The following CCDC73 variants were observed in gnomAD, a reference collection of about 807,000 sequenced individuals.
The protein encoded by CCDC73 is coiled-coil domain containing 73.
Under a neutral mutation model 116.5 loss-of-function variants are expected in CCDC73, and 95 were observed. The ratio of observed to expected loss-of-function variants is 0.82; its 90% CI spans 0.69 to 0.97. CCDC73 has a LOEUF of 0.97. CCDC73 is among the 50% of genes least tolerant of loss of function. The pLI is 0.00. For missense variants in CCDC73, 1,066 were observed against 1,206.8 expected (o/e 0.88, Z 1.73); for synonymous variants, 398 against 401.3 (o/e 0.99, Z 0.10).
chr11:32,613,442 A>C lies in CCDC73; in HGVS notation c.2876T>G (p.Val959Gly), dbSNP rs117521878. Reference sequence around the variant, plus strand: ...CTTACCTGGTCCAATATCCTTTCCAACATCATCCACACCAATATTTTTACA... The same window carrying C: ...CTTACCTGGTCCAATATCCTTTCCACCATCATCCACACCAATATTTTTACA... ...ALCKNIGVDD[V>G]GKDIGPDTTS... The change falls in exon 16 of 18, where the codon GTT becomes GGT. Residue 959 changes from valine to glycine, a missense_variant. By Grantham distance (109) the Val-to-Gly change is moderately radical. Coordinates refer to ENST00000335185, the MANE Select transcript of CCDC73 (RefSeq NM_001008391.4). 4,920 of 1,611,548 alleles carry C rather than the reference A, an allele frequency of 3.1e-3. 15 individuals are homozygous for C. Among genetic ancestry groups the C allele is most frequent in the Middle Eastern group, 7.6e-3 (46 of 6,048 alleles).
intron 6 of CCDC73, among the ~76,000 whole-genome samples, chr11:32,696,311 G>A (rs766568600): frequency 2.0e-5 from 3 of 152,188 alleles, no homozygotes; most frequent in Non-Finnish European, 4.4e-5. Flanking sequence ...TAATGCATGA[G>A]TCTAACAGGG....
intron 12 of CCDC73, among the ~76,000 whole-genome samples, chr11:32,645,713 A>G (rs1057082554): frequency 6.6e-6 from 1 of 152,178 alleles, no homozygotes; most frequent in Admixed American, 6.5e-5. Flanking sequence ...AATTGTATGT[A>G]CTACACTTTT....
intron 2 of CCDC73, among the ~76,000 whole-genome samples, chr11:32,757,799 T>C (rs1414478885): frequency 3.3e-5 from 5 of 152,200 alleles, no homozygotes; most frequent in South Asian, 2.1e-4. Context: ...CTCCCTCTTA[T>C]ATGAATGCTT....
intron 7 of CCDC73, 85 bp from the exon 8 acceptor site, chr11:32,676,106 A>G (rs148960905): frequency 8.9e-7 from 1 of 1,124,572 alleles, no homozygotes; most frequent in Non-Finnish European, 1.2e-6. Context: ...ATATTGTGGT[A>G]AACCACTGTT....
At chr11:32,813,068 T>A in the CCDC73 span, among the ~76,000 whole-genome samples, 4 of 152,242 alleles carry the variant, frequency 2.6e-5, no homozygotes, top group Non-Finnish European at 5.9e-5. Context: ...TGTCTTTTTT[T>A]ATTGATTTGC....
chr11:32,729,048 T>C (rs1226427779), intron 2 of CCDC73, among the ~76,000 whole-genome samples: 1 of 151,956 alleles, frequency 6.6e-6, no homozygotes, highest in East Asian at 1.9e-4. Context: ...AGGGTACATG[T>C]GCAGGATGTG....
chr11:32,636,252 A>G (rs1169937923), intron 13 of CCDC73, among the ~76,000 whole-genome samples: 2 of 152,138 alleles, frequency 1.3e-5, no homozygotes, highest in African/African-American at 4.8e-5. Flanking sequence ...ATAAATAAGA[A>G]TTTATGAATT....
chr11:32,694,665 A>G (rs902881828), intron 6 of CCDC73, among the ~76,000 whole-genome samples: 3 of 152,228 alleles, frequency 2.0e-5, no homozygotes, highest in Non-Finnish European at 4.4e-5. Context: ...ACAACAAAAC[A>G]ATTTAAGAAG....
intron 1 of CCDC73, among the ~76,000 whole-genome samples, chr11:32,764,010 T>G (rs1716281998): frequency 6.6e-6 from 1 of 152,134 alleles, no homozygotes; most frequent in African/African-American, 2.4e-5. Context: ...ACAAAGGGTA[T>G]CAGTGATTGA....
intron 6 of CCDC73, 110 bp downstream of exon 6, chr11:32,699,141 G>A: frequency 2.5e-6 from 3 of 1,203,472 alleles, no homozygotes; most frequent in Non-Finnish European, 3.2e-6. Context: ...TAATATATTA[G>A]ATATAAACTT....
chr11:32,788,476 CTT>C (rs35792191), intron 1 of CCDC73, among the ~76,000 whole-genome samples: 43 of 139,958 alleles, frequency 3.1e-4, no homozygotes, highest in Non-Finnish European at 2.5e-4. Context: ...TGGTACAAAT[CTT>C]TTTTTTTTTT....
intron 2 of CCDC73, among the ~76,000 whole-genome samples, chr11:32,749,958 C>A (rs113827690): frequency 0.03 from 4,511 of 151,932 alleles, 86 homozygotes; most frequent in Non-Finnish European, 0.039. Flanking sequence ...ACAACCTCCA[C>A]CTCCCGGGTT....
intron 4 of CCDC73, among the ~76,000 whole-genome samples, chr11:32,701,532 T>C (rs1397730417): frequency 1.3e-5 from 2 of 151,936 alleles, no homozygotes; most frequent in Non-Finnish European, 2.9e-5. Flanking sequence ...AAGACTTCCT[T>C]GACAAAAAAC....
chr11:32,666,083 G>A (rs1855978368), intron 9 of CCDC73, among the ~76,000 whole-genome samples: 1 of 152,146 alleles, frequency 6.6e-6, no homozygotes, highest in South Asian at 2.1e-4. Context: ...CTCTCTGGCT[G>A]CCCTTAACAT....
chr11:32,755,536 A>ATATATATATATATATATATAT (rs1850325554), intron 2 of CCDC73, among the ~76,000 whole-genome samples: 1 of 59,916 alleles, frequency 1.7e-5, no homozygotes, highest in African/African-American at 6.3e-5. Flanking sequence ...TCCATCTCAA[A>ATATATATATATATATATATAT]ATATATATAT....
intron 2 of CCDC73, among the ~76,000 whole-genome samples, chr11:32,737,758 A>G (rs1850148284): frequency 6.6e-6 from 1 of 151,890 alleles, no homozygotes; most frequent in South Asian, 2.1e-4. Context: ...TAGTCACCTT[A>G]TTGTGCTATC....
chr11:32,790,697 A>C (rs1446478943), intron 1 of CCDC73, among the ~76,000 whole-genome samples: 1 of 152,074 alleles, frequency 6.6e-6, no homozygotes, highest in African/African-American at 2.4e-5. Flanking sequence ...TTATATATAT[A>C]AATTTTAGAA....
chr11:32,742,814 T>C (rs1850200333), intron 2 of CCDC73, among the ~76,000 whole-genome samples: 1 of 152,196 alleles, frequency 6.6e-6, no homozygotes, highest in Admixed American at 6.5e-5. Context: ...CTTTGATCCA[T>C]CTTGAGTTGA....
In CCDC73 at chr11:32,789,626, C is replaced by T. The variant is rs193269396; in HGVS notation, c.-16+4987G>A. 2.6e-3 allele frequency among the ~76,000 whole-genome samples: 394 copies of T among 150,694 alleles called. 1 individual carries two copies. Among genetic ancestry groups the T allele is most frequent in the African/African-American group, 8.8e-3 (364 of 41,158 alleles). On this transcript the variant is annotated intron_variant, in intron 1 of 17. Coordinates refer to ENST00000335185, the MANE Select transcript of CCDC73 (RefSeq NM_001008391.4). ...ATCTCTACAAAAAAACAAAAAAATT[C>T]GCTGGGTGTGGTGGTGCACACCTGT...
Sources: gnomAD v4.1 joint callset for allele counts (sites outside exome capture counted in the v4.1 genomes callset) on GRCh38, gnomAD v4.1.1 for gene constraint, MANE v1.5 for transcripts, NCBI Gene and HGNC (gene_info 2026-07-23, HGNC 2026-07-21) for gene names.